The following CES3 variants were observed in gnomAD, a reference collection of about 807,000 sequenced individuals.
CES3 encodes carboxylesterase 3 (brain).
In CES3, 49 loss-of-function variants were observed where a neutral mutation model predicts 57.6. The ratio of observed to expected loss-of-function variants is 0.85; its 90% CI spans 0.68 to 1.08. CES3 has a LOEUF of 1.08. Ranked by LOEUF, CES3 falls within the 50% of genes least tolerant of loss-of-function variation. The probability of loss-of-function intolerance (pLI) is 0.00; values close to 1 mark genes in which losing one functional copy is unlikely to be tolerated. For synonymous variants in CES3, 266 were observed against 281.6 expected, an observed-to-expected ratio of 0.94 and a Z score of 0.55; for missense variants, 645 against 742.0, an observed-to-expected ratio of 0.87 and a Z score of 1.52.
Position 66,963,049 on chromosome 16 carries a change from A to T in CES3, c.83-130A>T. 2.1e-6 allele frequency: 2 copies of T among 975,564 alleles called. No homozygotes were observed. Among genetic ancestry groups the T allele is most frequent in the Non-Finnish European group, 3.2e-6 (2 of 629,306 alleles). 60.4% of individuals were successfully genotyped at this position (975,564 alleles called of 1,614,324 possible). Reference sequence around the variant, plus strand: ...TGGGCGTCAACCTAAGACCAGGCTCACCGGCTTGCTGGGAAGGTTACCAAG... The same window carrying T: ...TGGGCGTCAACCTAAGACCAGGCTCTCCGGCTTGCTGGGAAGGTTACCAAG... On this transcript the variant is annotated intron_variant, in intron 1 of 12. Transcript: ENST00000303334. This position sits in a 1 kb window ranked among gnomAD's most constrained non-coding sequence, Gnocchi z 4.9.
chr16:66,963,346 TG>T lies in CES3; in HGVS notation c.253del (p.Glu85ArgfsTer20). The T allele has an allele frequency of 6.2e-7, 1 of 1,613,296 alleles. No individual in the cohort carries two copies. The highest frequency in any genetic ancestry group is 8.5e-7 in the Non-Finnish European group (1 of 1,180,004). ...RFSAPHPAQP[W>X]EGVRDASTAP... ...CTCAGCCCCACACCCAGCACAGCCC[TG>T]GGAGGGTGTGCGGGATGCCAGCACT... On this transcript the variant is annotated frameshift_variant, in exon 2 of 13. Transcript: ENST00000303334. LOFTEE classifies it high-confidence loss of function. This position sits in a 1 kb window ranked among gnomAD's most constrained non-coding sequence, Gnocchi z 4.9.
chr16:66,961,804 C>T (rs951556047), intron 1 of CES3, among the ~76,000 whole-genome samples: 5 of 152,128 alleles, frequency 3.3e-5, no homozygotes, highest in Admixed American at 2.0e-4. Flanking sequence ...CCTCAGGTGA[C>T]CCACCTGCCT....
chr16:66,967,549 C>T, intron 8 of CES3: 1 of 985,502 alleles, frequency 1.0e-6, no homozygotes, highest in Non-Finnish European at 1.2e-6. Context: ...CTTCATGAGC[C>T]AAGTCCCTTC....
At chr16:66,967,797 C>T (rs1311041587) in intron 8 of CES3, 2 of 970,582 alleles carry the variant, frequency 2.1e-6, no homozygotes, top group East Asian at 2.3e-4. Context: ...AGCCTCGATC[C>T]ATCATCCAGG....
intron 9 of CES3, 135 bp from the exon 10 acceptor site, chr16:66,971,037 A>G: frequency 1.1e-6 from 1 of 940,268 alleles, no homozygotes; most frequent in Non-Finnish European, 1.5e-6. Flanking sequence ...AGGGAGGCAG[A>G]GAGGCAGCTG....
intron 8 of CES3, among the ~76,000 whole-genome samples, chr16:66,969,158 C>T (rs1171627316): frequency 2.0e-5 from 3 of 152,360 alleles, no homozygotes; most frequent in Admixed American, 6.5e-5. Flanking sequence ...TTAATCCCAG[C>T]ACTTTGGGAG....
In CES3 at chr16:66,964,633, C is replaced by T; in HGVS notation, c.725C>T (p.Pro242Leu). Residue 242 changes from proline to leucine, a missense_variant, in exon 6 of 13, where the codon CCA becomes CTA. Physicochemically the swap from Pro to Leu is moderately conservative, Grantham distance 98. Transcript: ENST00000303334. ...GSIISGLVLS[P>L]VAAGLFHRAI... Reference sequence around the variant, plus strand: ...CTCCAATGCACCCAGGTCCTGTCCCCAGTGGCTGCAGGGCTGTTCCACAGA... The same window carrying T: ...CTCCAATGCACCCAGGTCCTGTCCCTAGTGGCTGCAGGGCTGTTCCACAGA... 6.2e-7 allele frequency: 1 copy of T among 1,614,008 alleles called. No homozygotes were observed. The highest frequency in any genetic ancestry group is 8.5e-7 in the Non-Finnish European group (1 of 1,179,946).
intron 8 of CES3, among the ~76,000 whole-genome samples, chr16:66,969,039 C>G (rs1231299004): frequency 6.6e-6 from 1 of 152,226 alleles, no homozygotes; most frequent in East Asian, 1.9e-4. Flanking sequence ...TGGCTGTGCC[C>G]CAGGACCTGG....
intron 8 of CES3, 39 bp from the exon 9 acceptor site, chr16:66,969,640 T>C (rs1214846210): frequency 1.9e-6 from 3 of 1,586,360 alleles, no homozygotes; most frequent in African/African-American, 2.7e-5. Context: ...GGTGAGCCGG[T>C]GGTCAGGCTC....
rs768399886 is a variant in CES3 at position 66,963,220 on chromosome 16, C to G, written c.124C>G (p.Arg42Gly). The G allele has an allele frequency of 1.2e-6, 2 of 1,614,216 alleles. No homozygotes were observed. Among genetic ancestry groups the G allele is most frequent in the South Asian group, 1.1e-5 (1 of 91,074 alleles). The change falls in exon 2 of 13, where the codon CGT becomes GGT. Residue 42 changes from arginine (R) to glycine (G), a missense_variant. Physicochemically the swap from Arg to Gly is moderately radical, Grantham distance 125. Coordinates refer to ENST00000303334, the MANE Select transcript of CES3 (RefSeq NM_024922.6). The surrounding 1 kb of genome is among the most constrained non-coding windows in gnomAD (Gnocchi z 4.9). ...AQPEVDTTLG[R>G]VRGRQVGVKG... Reference sequence around the variant, plus strand: ...GCCTGAAGTAGACACCACCCTGGGTCGTGTGCGAGGCCGGCAGGTGGGCGT... The same window carrying G: ...GCCTGAAGTAGACACCACCCTGGGTGGTGTGCGAGGCCGGCAGGTGGGCGT...
In CES3 at chr16:66,964,415, C is replaced by T. The variant is rs765780089; in HGVS notation, c.619C>T (p.Arg207Cys). The change falls in exon 5 of 13, where the codon CGC (arginine) becomes TGC (cysteine). Residue 207 changes from arginine to cysteine, a missense_variant. Arg to Cys is a radical substitution (Grantham distance 180). Transcript: ENST00000303334. ...QGFLDVVAAL[R>C]WVQENIAPFG... ...CTTCCTAGATGTGGTAGCTGCTTTG[C>T]GCTGGGTGCAAGAAAACATCGCCCC... 7.4e-6 allele frequency: 12 copies of T among 1,614,152 alleles called. No individual in the cohort carries two copies. The Middle Eastern group carries it at 4.9e-4, about 67-fold the overall frequency.
intron 5 of CES3, 29 bp from the exon 6 acceptor site, chr16:66,964,594 C>T (rs777115564): frequency 1.2e-6 from 2 of 1,612,506 alleles, no homozygotes; most frequent in South Asian, 1.1e-5. Context: ...CCTCCTCTGA[C>T]AGCCACCTCC....
In CES3 at chr16:66,973,227, T is replaced by A. The variant is rs1287505195; in HGVS notation, c.*178T>A. On this transcript the variant is annotated 3_prime_UTR_variant, in exon 13 of 13. Transcript: ENST00000303334. ...AAATGTCACAAGGCCGCCTCCCACC[T>A]CTGGGGCATTGTACAAGTTCTTCCC... is the stretch of plus-strand genomic sequence containing the variant. 2 of 615,048 alleles carry A rather than the reference T, an allele frequency of 3.3e-6. No homozygotes were observed. 38.1% of individuals were successfully genotyped at this position (615,048 alleles called of 1,614,324 possible).
At position 66,974,957 on chromosome 16, in the gene CES3, A is replaced by G. The variant is rs559945953; in HGVS notation, c.*1908A>G. The stretch of plus-strand genomic sequence containing the variant: ...TGTCTAGCTCAGGGATCGTAAACGC[A>G]CCAATCAGCACCCTGTCAAAACAGA... On this transcript the variant is annotated 3_prime_UTR_variant, in exon 13 of 13. Transcript: ENST00000303334. 2 of 152,184 alleles carry G rather than the reference A, an allele frequency of 1.3e-5. No homozygotes were observed. The highest frequency in any genetic ancestry group is 2.9e-5 in the Non-Finnish European group (2 of 68,062). 9.4% of individuals were successfully genotyped at this position (152,184 alleles called of 1,614,324 possible).
rs1208009409 is a variant in CES3 at position 66,963,927 on chromosome 16, C to G, written c.552C>G (p.Gly184=). 1.2e-6 allele frequency: 2 copies of G among 1,612,944 alleles called. No homozygotes were observed. Among genetic ancestry groups the G allele is most frequent in the Admixed American group, 3.3e-5 (2 of 59,988 alleles). Residue 184 remains glycine (G), a synonymous_variant, in exon 4 of 13, where the codon GGC becomes GGG. Coordinates refer to ENST00000303334, the MANE Select transcript of CES3 (RefSeq NM_024922.6). This position sits in a 1 kb window ranked among gnomAD's most constrained non-coding sequence, Gnocchi z 4.9. ...TCCAGTACCGCCTTGGGGTCCTTGGCTTCTTCAGGTGAGACGACAGGCATG... is the reference window on the plus strand; with the variant it reads ...TCCAGTACCGCCTTGGGGTCCTTGGGTTCTTCAGGTGAGACGACAGGCATG... The part of the protein sequence containing the change: ...VTVQYRLGVL[G]FFSTGDEHAP...
At position 66,963,220 on chromosome 16, in the gene CES3, C is replaced by T. The variant is rs768399886; in HGVS notation, c.124C>T (p.Arg42Cys). 35 of 1,614,098 alleles carry T rather than the reference C, an allele frequency of 2.2e-5. No homozygotes were observed. Among genetic ancestry groups the T allele is most frequent in the East Asian group, 1.1e-4 (5 of 44,892 alleles). Reference protein sequence around the residue: ...AQPEVDTTLGRVRGRQVGVKG... With the variant: ...AQPEVDTTLGCVRGRQVGVKG... ...GCCTGAAGTAGACACCACCCTGGGT[C>T]GTGTGCGAGGCCGGCAGGTGGGCGT... The change falls in exon 2 of 13, where the codon CGT (arginine) becomes TGT (cysteine). Residue 42 changes from arginine (R) to cysteine (C), a missense_variant. Transcript: ENST00000303334. This position sits in a 1 kb window ranked among gnomAD's most constrained non-coding sequence, Gnocchi z 4.9.
Position 66,963,963 on chromosome 16 carries a change from T to C in CES3, c.560+28T>C, listed in dbSNP as rs1468044836. ...GAGACGACAGGCATGGCCAGAGCACTGCCTGCACCGGGGAGAGGCCAGCTC... is the reference window on the plus strand; with the variant it reads ...GAGACGACAGGCATGGCCAGAGCACCGCCTGCACCGGGGAGAGGCCAGCTC... On this transcript the variant is annotated intron_variant, in intron 4 of 12. Transcript: ENST00000303334. This position sits in a 1 kb window ranked among gnomAD's most constrained non-coding sequence, Gnocchi z 4.9. 3 of 1,601,612 alleles carry C rather than the reference T, an allele frequency of 1.9e-6. No homozygotes were observed.
chr16:66,966,467 G>A, intron 7 of CES3, 122 bp downstream of exon 7: 1 of 1,019,556 alleles, frequency 9.8e-7, no homozygotes, highest in South Asian at 1.6e-5. Context: ...CTCATGAGGG[G>A]AAGGGGCTGA....
chr16:66,966,072 C>T (rs1399423357), intron 6 of CES3, among the ~76,000 whole-genome samples, 172 bp from the exon 7 acceptor site: 4 of 152,082 alleles, frequency 2.6e-5, no homozygotes, highest in African/African-American at 4.8e-5. Context: ...CCCAAGCTGA[C>T]GGGCAGGGCA....
Sources: allele counts gnomAD v4.1 joint callset (sites outside exome capture counted in the v4.1 genomes callset), GRCh38; gene constraint gnomAD v4.1.1; non-coding constraint Gnocchi (gnomAD v3.1); transcripts MANE v1.5; gene names NCBI Gene and HGNC (gene_info 2026-07-23, HGNC 2026-07-21).